Variants in GAS7 observed in about 807,000 individuals in gnomAD.
The protein encoded by GAS7 is growth arrest specific 7, also known as growth arrest-specific protein 7.
A neutral mutation model predicts 71.1 loss-of-function variants in GAS7; 28 were observed. The ratio of observed to expected loss-of-function variants is 0.39; its 90% CI spans 0.29 to 0.54. GAS7 has a LOEUF of 0.54. Ranked by LOEUF, GAS7 falls within the 20% of genes least tolerant of loss-of-function variation. GAS7 has a pLI of 0.62. For synonymous variants in GAS7, 258 were observed against 245.8 expected (o/e 1.05, Z -0.46); for missense variants, 436 against 627.8 (o/e 0.69, Z 3.27).
chr17:9,985,261 A>T (rs1319432799), intron 2 of GAS7, among the ~76,000 whole-genome samples: 1 of 152,164 alleles, frequency 6.6e-6, no homozygotes, highest in Non-Finnish European at 1.5e-5. Flanking sequence ...GTCACTTCAC[A>T]GCGAAAATCC....
At chr17:10,101,571 C>T (rs1567591782) in intron 1 of GAS7, among the ~76,000 whole-genome samples, 1 of 152,232 alleles carries the variant, frequency 6.6e-6, no homozygotes, top group Non-Finnish European at 1.5e-5. Flanking sequence ...GCGGTACCTA[C>T]AGCCACACGC....
At chr17:10,112,594 G>A (rs1205118977) in intron 1 of GAS7, among the ~76,000 whole-genome samples, 1 of 152,026 alleles carries the variant, frequency 6.6e-6, no homozygotes, top group Non-Finnish European at 1.5e-5. Flanking sequence ...AATTAGCCGG[G>A]CATGGTGGCA....
At chr17:9,978,213 C>T (rs2070281852) in intron 3 of GAS7, among the ~76,000 whole-genome samples, 1 of 151,926 alleles carries the variant, frequency 6.6e-6, no homozygotes, top group African/African-American at 2.4e-5. Context: ...GACCCCACCT[C>T]AAACAAACAA....
intron 1 of GAS7, among the ~76,000 whole-genome samples, chr17:10,129,102 T>C (rs771563874): frequency 6.6e-6 from 1 of 151,930 alleles, no homozygotes; most frequent in Non-Finnish European, 1.5e-5. Flanking sequence ...GACCACTCAA[T>C]GGGGGAAAGG....
rs142605741 is a variant in GAS7, at chr17:9,933,706, A to G, written c.885+460T>C. Among the ~76,000 whole-genome samples the G allele has an allele frequency of 7.4e-4, 113 of 152,084 alleles. 1 individual carries two copies. Among genetic ancestry groups the G allele is most frequent in the African/African-American group, 2.7e-3 (110 of 41,496 alleles). On this transcript the variant is annotated intron_variant, in intron 9 of 13. Transcript: ENST00000432992. ...AAATAAATAAAAAAATTACCCAGGC[A>G]TGGTTGCATACACCTGTTGTCCCAG... is the stretch of plus-strand genomic sequence containing the variant.
chr17:10,004,787 A>G (rs369284837), intron 2 of GAS7, among the ~76,000 whole-genome samples: 1 of 152,294 alleles, frequency 6.6e-6, no homozygotes, highest in East Asian at 1.9e-4. Context: ...CAAGGAGGGC[A>G]GATCACGAGG....
chr17:10,037,373 C>T (rs1217464833), intron 1 of GAS7, among the ~76,000 whole-genome samples: 3 of 152,208 alleles, frequency 2.0e-5, no homozygotes, highest in African/African-American at 7.2e-5. Flanking sequence ...CTATTTAGCA[C>T]TCAAAATGCC....
intron 1 of GAS7, among the ~76,000 whole-genome samples, chr17:10,118,436 C>G (rs1331630559): frequency 6.6e-6 from 1 of 152,088 alleles, no homozygotes; most frequent in African/African-American, 2.4e-5. Flanking sequence ...GTGGGCTGGG[C>G]GCAGTGGCTC....
At chr17:9,973,770 G>C (rs1366334991) in intron 3 of GAS7, among the ~76,000 whole-genome samples, 1 of 152,208 alleles carries the variant, frequency 6.6e-6, no homozygotes, top group Non-Finnish European at 1.5e-5. Flanking sequence ...TCCATGCATA[G>C]AAACATGTGG....
chr17:9,976,162 C>T (rs1463813612), intron 3 of GAS7, among the ~76,000 whole-genome samples: 1 of 152,238 alleles, frequency 6.6e-6, no homozygotes, highest in Admixed American at 6.5e-5. Flanking sequence ...GAACTGCGTT[C>T]CCAAAGACAG....
chr17:9,986,318 A>G (rs1043187890), intron 2 of GAS7, among the ~76,000 whole-genome samples: 4 of 152,172 alleles, frequency 2.6e-5, no homozygotes, highest in Non-Finnish European at 5.9e-5. Flanking sequence ...GCTGATGTGC[A>G]GACACCACCT....
intron 4 of GAS7, among the ~76,000 whole-genome samples, chr17:9,962,333 GACA>G (rs749328055): frequency 3.9e-5 from 6 of 152,066 alleles, no homozygotes; most frequent in Non-Finnish European, 7.3e-5. Flanking sequence ...TCATCACAGT[GACA>G]ACATCTACTG....
chr17:10,128,505 CCT>C (rs2073969253), intron 1 of GAS7, among the ~76,000 whole-genome samples: 1 of 152,190 alleles, frequency 6.6e-6, no homozygotes, highest in South Asian at 2.1e-4. Context: ...AATGCCTCCC[CCT>C]CTCACCCCCT....
Position 10,118,354 on chromosome 17 carries a change from AC to A in GAS7, c.183+79853del, listed in dbSNP as rs1182181306. Among the ~76,000 whole-genome samples the A allele has an allele frequency of 3.9e-5, 6 of 152,242 alleles. No homozygotes were observed. The East Asian group carries it at 1.2e-3, about 29-fold the overall frequency. ...TCCTCATCTGTGAACAGCTCCACTC[AC>A]TACCTGGTCAGCCTCTCCGGCCTGC... On this transcript the variant is annotated intron_variant, in intron 1 of 13. Coordinates refer to ENST00000432992, the MANE Select transcript of GAS7 (RefSeq NM_201433.2).
chr17:10,158,105 G>T (rs956538633), intron 1 of GAS7, among the ~76,000 whole-genome samples: 1 of 152,184 alleles, frequency 6.6e-6, no homozygotes, highest in African/African-American at 2.4e-5. Context: ...CTGCCTCCCA[G>T]GTTGATGCCA....
chr17:10,053,104 A>G (rs115667287), intron 1 of GAS7, among the ~76,000 whole-genome samples: 3,098 of 152,246 alleles, frequency 0.02, 102 homozygotes, highest in African/African-American at 0.07. Context: ...GTGGAGGAAG[A>G]GAGGGAAACA....
At chr17:10,022,922 T>C (rs532108141) in intron 1 of GAS7, among the ~76,000 whole-genome samples, 2 of 152,130 alleles carry the variant, frequency 1.3e-5, no homozygotes, top group Non-Finnish European at 2.9e-5. Flanking sequence ...GGCTGGGCAG[T>C]GAGGAGACCA....
In GAS7 at chr17:10,071,941, AAAAAAAAAAAAAGAAAAG is replaced by A. The variant is rs2073344041; in HGVS notation, c.184-52062_184-52045del. Among the ~76,000 whole-genome samples, 8 of 147,368 alleles carry A rather than the reference AAAAAAAAAAAAAGAAAAG, an allele frequency of 5.4e-5. No homozygotes were observed. The South Asian group carries it at 1.7e-3, about 31-fold the overall frequency. On this transcript the variant is annotated intron_variant, in intron 1 of 13. Transcript: ENST00000432992. ...AACAGAGTGAGACTCCATCTCAAGA[AAAAAAAAAAAAAGAAAAG>A]AAAAAAAAGAAAAGATTCAGTTGTC...
chr17:10,008,888 A>G (rs1455488361), intron 2 of GAS7, among the ~76,000 whole-genome samples: 1 of 152,210 alleles, frequency 6.6e-6, no homozygotes, highest in Non-Finnish European at 1.5e-5. Context: ...ACACAGATGG[A>G]CAGAAAAAAA....
Sources: gnomAD v4.1 joint callset for allele counts (sites outside exome capture counted in the v4.1 genomes callset) on GRCh38, gnomAD v4.1.1 for gene constraint, MANE v1.5 for transcripts, NCBI Gene and HGNC (gene_info 2026-07-23, HGNC 2026-07-21) for gene names.